The following GLRA1 variants were observed in gnomAD, a reference collection of about 807,000 sequenced individuals.
GLRA1 encodes glycine receptor subunit alpha-1.
GLRA1 carries 37 observed loss-of-function variants against 48.3 expected under a neutral mutation model. That is an observed-to-expected ratio of 0.77 (90% confidence interval 0.59 to 1.01). The LOEUF is 1.01. Ranked by LOEUF, GLRA1 falls within the 50% of genes least tolerant of loss-of-function variation. The pLI is 0.00. For missense variants in GLRA1, 427 were observed against 571.0 expected (o/e 0.75, Z 2.57); for synonymous variants, 196 against 210.7 (o/e 0.93, Z 0.60).
chr5:151,841,766 A>G (rs944110710), intron 7 of GLRA1, among the ~76,000 whole-genome samples: 3 of 152,324 alleles, frequency 2.0e-5, no homozygotes, highest in East Asian at 3.9e-4. Context: ...TGACCCAGAA[A>G]GAAATAGAGG....
chr5:151,886,488 T>A (rs1549622), intron 3 of GLRA1, among the ~76,000 whole-genome samples: 1 of 152,124 alleles, frequency 6.6e-6, no homozygotes, highest in Non-Finnish European at 1.5e-5. Flanking sequence ...TAATCCTGGG[T>A]GTTTGGCAGG....
intron 3 of GLRA1, among the ~76,000 whole-genome samples, chr5:151,871,807 GC>G (rs969994949): frequency 6.7e-6 from 1 of 149,550 alleles, no homozygotes; most frequent in African/African-American, 2.6e-5. Flanking sequence ...TTCGTGATCT[GC>G]CTGCCTCGGC....
intron 7 of GLRA1, among the ~76,000 whole-genome samples, chr5:151,835,179 A>G (rs1763541276): frequency 6.6e-6 from 1 of 152,192 alleles, no homozygotes; most frequent in African/African-American, 2.4e-5. Context: ...TCTAGGAGAA[A>G]TGGATAAATT....
At chr5:151,856,226 G>A in intron 5 of GLRA1, 75 bp downstream of exon 5, 1 of 933,422 alleles carries the variant, frequency 1.1e-6, no homozygotes, top group East Asian at 2.4e-5. Flanking sequence ...AGGAGCAGCT[G>A]TGTGGGAATT....
chr5:151,902,339 CTT>C lies in GLRA1; in HGVS notation c.57-9903_57-9902del, dbSNP rs1754385517. 2.6e-5 allele frequency among the ~76,000 whole-genome samples: 4 copies of C among 151,848 alleles called. No individual in the cohort carries two copies. In the South Asian group the frequency reaches 8.3e-4, roughly 32 times the overall value. The stretch of plus-strand genomic sequence containing the variant: ...GATCTGGGTTATCTTCTGCTTGACT[CTT>C]TGGCCATTCCCCAGAACCAATCACG... On this transcript the variant is annotated intron_variant, in intron 1 of 8. Coordinates refer to ENST00000274576, the MANE Select transcript of GLRA1 (RefSeq NM_000171.4).
chr5:151,907,848 A>T (rs949608025), intron 1 of GLRA1, among the ~76,000 whole-genome samples: 3 of 152,172 alleles, frequency 2.0e-5, no homozygotes, highest in African/African-American at 7.2e-5. Context: ...CTTGCCTGGG[A>T]TTTTCTCCTT....
intron 7 of GLRA1, among the ~76,000 whole-genome samples, chr5:151,840,766 G>GA (rs1021240460): frequency 1.2e-4 from 17 of 145,394 alleles, no homozygotes; most frequent in East Asian, 4.0e-4. Context: ...CAGTCTTTAA[G>GA]AAAAAAAAAT....
intron 3 of GLRA1, among the ~76,000 whole-genome samples, chr5:151,885,496 G>A (rs1219892084): frequency 3.9e-5 from 6 of 152,336 alleles, no homozygotes; most frequent in African/African-American, 1.4e-4. Context: ...ACACACGTAC[G>A]CGCATGTTAC....
At chr5:151,893,216 T>G (rs953324760) in intron 1 of GLRA1, among the ~76,000 whole-genome samples, 2 of 152,118 alleles carry the variant, frequency 1.3e-5, no homozygotes, top group East Asian at 3.9e-4. Flanking sequence ...CAAAGTGGCT[T>G]TAAGGCCCCA....
At chr5:151,905,030 A>G (rs932057777) in intron 1 of GLRA1, among the ~76,000 whole-genome samples, 5 of 152,196 alleles carry the variant, frequency 3.3e-5, no homozygotes, top group African/African-American at 1.2e-4. Flanking sequence ...ATTTCAGTCA[A>G]TAGGATTAAG....
At chr5:151,878,644 G>T (rs975142507) in intron 3 of GLRA1, among the ~76,000 whole-genome samples, 2 of 152,130 alleles carry the variant, frequency 1.3e-5, no homozygotes, top group Non-Finnish European at 2.9e-5. Flanking sequence ...GGTGCCCTGT[G>T]TCCCAGCCAC....
chr5:151,884,456 C>A (rs182574659), intron 3 of GLRA1, among the ~76,000 whole-genome samples: 8 of 45,296 alleles, frequency 1.8e-4, no homozygotes, highest in African/African-American at 4.4e-4. Flanking sequence ...AACAAAAAAA[C>A]CCATTTTTTC....
intron 3 of GLRA1, among the ~76,000 whole-genome samples, chr5:151,875,901 G>A (rs1432098818): frequency 6.6e-6 from 1 of 152,162 alleles, no homozygotes; most frequent in African/African-American, 2.4e-5. Context: ...GCCATTTATT[G>A]GCTGGAAAAA....
chr5:151,844,001 C>T (rs1752588583), intron 7 of GLRA1, among the ~76,000 whole-genome samples: 5 of 152,070 alleles, frequency 3.3e-5, no homozygotes, highest in Non-Finnish European at 7.4e-5. Context: ...GAAACCCCTT[C>T]TCTAGTAAAA....
chr5:151,905,756 A>G (rs1442365072), intron 1 of GLRA1, among the ~76,000 whole-genome samples: 12 of 152,138 alleles, frequency 7.9e-5, no homozygotes. Context: ...TAAAAGTTGA[A>G]AAGGAGAGAG....
At chr5:151,911,829 C>T (rs551016709) in intron 1 of GLRA1, among the ~76,000 whole-genome samples, 8 of 151,974 alleles carry the variant, frequency 5.3e-5, no homozygotes, top group East Asian at 3.9e-4. Context: ...AGGATGGTCT[C>T]GATCTCCTGA....
rs983973778 is a variant in GLRA1, at chr5:151,838,129, A to G, written c.913-9062T>C. 1.6e-4 allele frequency among the ~76,000 whole-genome samples: 24 copies of G among 152,198 alleles called. 1 individual carries two copies. The highest frequency in any genetic ancestry group is 8.8e-5 in the Non-Finnish European group (6 of 68,038). The stretch of plus-strand genomic sequence containing the variant: ...AAGTATGTTCAACAAACTAGAGGAA[A>G]CTATGTCTAAACAACTAAAGGAAAA... On this transcript the variant is annotated intron_variant, in intron 7 of 8. Transcript: ENST00000274576.
At chr5:151,860,311 G>T (rs1235310354) in intron 3 of GLRA1, among the ~76,000 whole-genome samples, 1 of 152,130 alleles carries the variant, frequency 6.6e-6, no homozygotes, top group African/African-American at 2.4e-5. Context: ...TGGATGTAAT[G>T]AACACTTGTT....
intron 1 of GLRA1, among the ~76,000 whole-genome samples, chr5:151,919,803 G>T (rs897076584): frequency 6.6e-6 from 1 of 152,208 alleles, no homozygotes; most frequent in Non-Finnish European, 1.5e-5. Flanking sequence ...TTAGGCCAAA[G>T]CCTCTTTGTT....
Sources: allele counts gnomAD v4.1 joint callset (sites outside exome capture counted in the v4.1 genomes callset), GRCh38; gene constraint gnomAD v4.1.1; transcripts MANE v1.5; gene names NCBI Gene and HGNC (gene_info 2026-07-23, HGNC 2026-07-21).